Variants in PTPRG observed in about 807,000 individuals in gnomAD.
PTPRG encodes receptor-type tyrosine-protein phosphatase gamma.
PTPRG carries 102 observed loss-of-function variants against 165.3 expected under a neutral mutation model. That is an observed-to-expected ratio of 0.62 (90% CI 0.53 to 0.73). The LOEUF (loss-of-function observed/expected upper bound fraction) is 0.73, where lower values mean the gene tolerates loss of function less well. PTPRG is among the 30% of genes least tolerant of loss of function. The pLI is 0.00. For synonymous variants in PTPRG, 675 were observed against 669.5 expected (o/e 1.01, Z -0.13); for missense variants, 1,866 against 1,861.4 (o/e 1.00, Z -0.05).
chr3:61,762,247 A>G (rs1364946541), intron 2 of PTPRG, among the ~76,000 whole-genome samples: 2 of 151,884 alleles, frequency 1.3e-5, no homozygotes, highest in Non-Finnish European at 2.9e-5. Flanking sequence ...CTTTTCTCTC[A>G]CCATCTACTA....
intron 4 of PTPRG, among the ~76,000 whole-genome samples, chr3:62,032,203 C>T (rs1699792324): frequency 6.6e-6 from 1 of 152,102 alleles, no homozygotes; most frequent in Non-Finnish European, 1.5e-5. Context: ...AAGGAAAACC[C>T]ATGTTCACAG....
rs185805455 is a variant in PTPRG at position 62,062,169 on chromosome 3, C to T, written c.520-15994C>T. Among the ~76,000 whole-genome samples the T allele has an allele frequency of 5.5e-4, 84 of 151,988 alleles. No individual in the cohort carries two copies. The East Asian group carries it at 0.011, about 19-fold the overall frequency. On this transcript the variant is annotated intron_variant, in intron 4 of 29. Transcript: ENST00000474889. ...ATAAAATTAGCTGGGCGTGGTGGCGCGTGCCTGTAATCCCAGCTACTCAGG... is the reference window on the plus strand; with the variant it reads ...ATAAAATTAGCTGGGCGTGGTGGCGTGTGCCTGTAATCCCAGCTACTCAGG...
intron 1 of PTPRG, among the ~76,000 whole-genome samples, chr3:61,738,192 C>T (rs1312181170): frequency 6.8e-6 from 1 of 147,714 alleles, no homozygotes; most frequent in Admixed American, 6.8e-5. Context: ...GCCACCGCGC[C>T]CGGCCTATGC....
At chr3:61,648,499 A>T (rs1221029803) in intron 1 of PTPRG, among the ~76,000 whole-genome samples, 1 of 152,226 alleles carries the variant, frequency 6.6e-6, no homozygotes, top group Admixed American at 6.5e-5. Flanking sequence ...TTCTTTTGGA[A>T]TTACACATCT....
intron 2 of PTPRG, among the ~76,000 whole-genome samples, chr3:61,767,427 C>G (rs984404813): frequency 1.2e-4 from 18 of 152,092 alleles, no homozygotes; most frequent in Admixed American, 3.3e-4. Flanking sequence ...AAAATGCATA[C>G]ATGCTCATTT....
intron 8 of PTPRG, among the ~76,000 whole-genome samples, chr3:62,181,425 C>G (rs1382748369): frequency 6.6e-6 from 1 of 151,900 alleles, no homozygotes; most frequent in Non-Finnish European, 1.5e-5. Flanking sequence ...TTTTTTCTGT[C>G]TGACATACCC....
At chr3:61,915,960 G>A (rs1347889161) in intron 2 of PTPRG, among the ~76,000 whole-genome samples, 3 of 152,222 alleles carry the variant, frequency 2.0e-5, no homozygotes, top group Non-Finnish European at 4.4e-5. Context: ...ATGTGTCTGG[G>A]TGTGGGTCAC....
At chr3:61,739,371 G>A (rs1407659835) in intron 1 of PTPRG, 1 of 152,138 alleles carries the variant, frequency 6.6e-6, no homozygotes, top group African/African-American at 2.4e-5. Context: ...GACTAACCTA[G>A]ACAACTTCTT....
At chr3:62,140,672 C>A (rs1703891156) in intron 6 of PTPRG, among the ~76,000 whole-genome samples, 1 of 152,048 alleles carries the variant, frequency 6.6e-6, no homozygotes, top group South Asian at 2.1e-4. Context: ...CATGGTGAAA[C>A]CCCTTCTCTA....
intron 12 of PTPRG, among the ~76,000 whole-genome samples, chr3:62,218,392 G>A (rs1700566446): frequency 6.6e-6 from 1 of 152,204 alleles, no homozygotes; most frequent in Non-Finnish European, 1.5e-5. Context: ...GTCACAGCCA[G>A]TTCTCCTAGT....
At chr3:61,707,623 G>T (rs1202702825) in intron 1 of PTPRG, among the ~76,000 whole-genome samples, 2 of 152,148 alleles carry the variant, frequency 1.3e-5, no homozygotes, top group African/African-American at 2.4e-5. Context: ...AGGGCAATGT[G>T]CTTTTTACTC....
At chr3:61,687,507 C>A (rs569266298) in intron 1 of PTPRG, among the ~76,000 whole-genome samples, 3 of 152,258 alleles carry the variant, frequency 2.0e-5, no homozygotes, top group Non-Finnish European at 4.4e-5. Context: ...CTAAACATGG[C>A]TTTGGGACCC....
chr3:61,862,437 A>C (rs1161728873), intron 2 of PTPRG, among the ~76,000 whole-genome samples: 2 of 148,430 alleles, frequency 1.3e-5, no homozygotes, highest in East Asian at 4.0e-4. Flanking sequence ...GCTGGAGTGC[A>C]ATGGCGTGAT....
At chr3:61,667,002 C>A (rs892527815) in intron 1 of PTPRG, among the ~76,000 whole-genome samples, 2 of 152,144 alleles carry the variant, frequency 1.3e-5, no homozygotes, top group Non-Finnish European at 2.9e-5. Flanking sequence ...CTCCCTTACC[C>A]CCCCAATTCA....
chr3:61,856,093 C>T (rs576248777), intron 2 of PTPRG, among the ~76,000 whole-genome samples: 1 of 152,166 alleles, frequency 6.6e-6, no homozygotes, highest in South Asian at 2.1e-4. Flanking sequence ...GTGTGATGCC[C>T]TCAGTCTCTT....
intron 28 of PTPRG, among the ~76,000 whole-genome samples, chr3:62,284,131 C>A (rs1472759648): frequency 1.3e-5 from 2 of 151,432 alleles, no homozygotes; most frequent in Non-Finnish European, 2.9e-5. Context: ...ACGTTACTGC[C>A]CAGTTATATG....
chr3:61,952,117 A>C (rs1270326535), intron 2 of PTPRG, among the ~76,000 whole-genome samples: 4 of 59,556 alleles, frequency 6.7e-5, no homozygotes, highest in Non-Finnish European at 9.4e-5. Context: ...ACTCCACCTC[A>C]GAAAAAAAAA....
intron 2 of PTPRG, among the ~76,000 whole-genome samples, chr3:61,752,829 C>T (rs2033496686): frequency 8.5e-6 from 1 of 117,768 alleles, no homozygotes; most frequent in Non-Finnish European, 1.9e-5. Flanking sequence ...TATTTGCCAA[C>T]TCCTGCTTAT....
At chr3:62,223,162 C>T (rs1009330545) in intron 13 of PTPRG, among the ~76,000 whole-genome samples, 2 of 151,880 alleles carry the variant, frequency 1.3e-5, no homozygotes, top group Non-Finnish European at 2.9e-5. Context: ...AGGGCCTCAT[C>T]GAAGGGAGAT....
Sources: allele counts gnomAD v4.1 joint callset (sites outside exome capture counted in the v4.1 genomes callset), GRCh38; gene constraint gnomAD v4.1.1; transcripts MANE v1.5; gene names NCBI Gene and HGNC (gene_info 2026-07-23, HGNC 2026-07-21).